The following ZNF804B variants were observed in gnomAD, a reference collection of about 807,000 sequenced individuals.
ZNF804B encodes zinc finger 804B.
In ZNF804B, 80 loss-of-function variants were observed where a neutral mutation model predicts 101.4. The ratio of observed to expected loss-of-function variants is 0.79; its 90% confidence interval spans 0.66 to 0.95. ZNF804B has a LOEUF of 0.95. Among genes scored for constraint, ZNF804B ranks in the 40% least tolerant of loss-of-function variants. ZNF804B has a pLI of 0.00. For synonymous variants in ZNF804B, 622 were observed against 558.8 expected (o/e 1.11, Z -1.59); for missense variants, 1,673 against 1,561.9 (o/e 1.07, Z -1.20).
chr7:89,259,520 A>G (rs139477359), intron 2 of ZNF804B, among the ~76,000 whole-genome samples: 215 of 152,286 alleles, frequency 1.4e-3, no homozygotes, highest in Non-Finnish European at 2.5e-3. Context: ...CCAGACTTTC[A>G]TGATGTATTC....
chr7:89,094,827 C>T (rs903113712), intron 1 of ZNF804B, among the ~76,000 whole-genome samples: 3 of 151,988 alleles, frequency 2.0e-5, no homozygotes, highest in East Asian at 1.9e-4. Flanking sequence ...GTTGCCTTAC[C>T]GTGTCAGGAT....
chr7:89,173,251 A>G (rs932801807), intron 1 of ZNF804B, among the ~76,000 whole-genome samples: 3 of 152,074 alleles, frequency 2.0e-5, no homozygotes, highest in Non-Finnish European at 4.4e-5. Flanking sequence ...CCATTCCACA[A>G]TAAGTTCCTC....
chr7:88,762,120 G>T (rs1199158647), intron 1 of ZNF804B, among the ~76,000 whole-genome samples: 2 of 152,138 alleles, frequency 1.3e-5, no homozygotes, highest in East Asian at 1.9e-4. Context: ...TCACTGGAAG[G>T]TTCTCTCCAA....
intron 1 of ZNF804B, among the ~76,000 whole-genome samples, chr7:89,123,324 C>T (rs1463406771): frequency 6.6e-6 from 1 of 152,078 alleles, no homozygotes; most frequent in Non-Finnish European, 1.5e-5. Context: ...ATCCTCAAGA[C>T]TATGGAGTCC....
At chr7:89,015,234 G>A (rs1209947716) in intron 1 of ZNF804B, among the ~76,000 whole-genome samples, 2 of 151,516 alleles carry the variant, frequency 1.3e-5, no homozygotes, top group East Asian at 1.9e-4. Context: ...GTATCATTCT[G>A]TTTTGGTTCA....
At chr7:89,306,800 A>AGTAGCG (rs1213213513) in intron 2 of ZNF804B, among the ~76,000 whole-genome samples, 1 of 152,032 alleles carries the variant, frequency 6.6e-6, no homozygotes, top group East Asian at 1.9e-4. Flanking sequence ...AGGCAACTTC[A>AGTAGCG]GTAGCGGTTT....
chr7:88,990,606 C>G (rs1230772111), intron 1 of ZNF804B, among the ~76,000 whole-genome samples: 1 of 151,992 alleles, frequency 6.6e-6, no homozygotes, highest in Non-Finnish European at 1.5e-5. Context: ...ATATTGTATC[C>G]CAGATATTAC....
At chr7:88,952,048 A>G (rs953485962) in intron 1 of ZNF804B, among the ~76,000 whole-genome samples, 1 of 151,888 alleles carries the variant, frequency 6.6e-6, no homozygotes, top group Admixed American at 6.6e-5. Flanking sequence ...TGGCATTTCA[A>G]GCTCTGAAAT....
chr7:89,336,405 C>T lies in ZNF804B; in HGVS notation c.3423C>T (p.Pro1141=), dbSNP rs778183867. 1 of 1,614,060 alleles carries T rather than the reference C, an allele frequency of 6.2e-7. No individual in the cohort carries two copies. The highest frequency in any genetic ancestry group is 8.5e-7 in the Non-Finnish European group (1 of 1,179,998). ...GLEMCHKSIS[P]PLIQQPITFS... The stretch of plus-strand genomic sequence containing the variant: ...AAATGTGTCATAAATCTATCTCTCC[C>T]CCTTTAATTCAACAGCCCATAACAT... The change falls in exon 4 of 4, where the codon CCC becomes CCT. Residue 1141 remains proline (P), a synonymous_variant. Transcript: ENST00000333190.
chr7:88,894,306 C>T (rs1382945668), intron 1 of ZNF804B, among the ~76,000 whole-genome samples: 3 of 151,752 alleles, frequency 2.0e-5, no homozygotes, highest in African/African-American at 4.8e-5. Context: ...CTCTGCCTCC[C>T]GGGTTGAAGT....
intron 1 of ZNF804B, among the ~76,000 whole-genome samples, chr7:88,854,011 T>C (rs1205519258): frequency 6.6e-6 from 1 of 152,182 alleles, no homozygotes; most frequent in Non-Finnish European, 1.5e-5. Flanking sequence ...AAGTACATAG[T>C]TAATAATATT....
chr7:89,242,705 A>G (rs1160655969), intron 2 of ZNF804B, among the ~76,000 whole-genome samples: 1 of 151,898 alleles, frequency 6.6e-6, no homozygotes, highest in African/African-American at 2.4e-5. Context: ...CAAAGAAACT[A>G]GATATCAAAA....
intron 1 of ZNF804B, among the ~76,000 whole-genome samples, chr7:89,112,225 A>G (rs1790228428): frequency 6.6e-6 from 1 of 152,138 alleles, no homozygotes; most frequent in Non-Finnish European, 1.5e-5. Context: ...CTCCTAAGCT[A>G]TCTTATAAAA....
intron 1 of ZNF804B, among the ~76,000 whole-genome samples, chr7:89,012,027 C>A (rs890776978): frequency 3.9e-5 from 6 of 152,180 alleles, no homozygotes; most frequent in Non-Finnish European, 8.8e-5. Context: ...TTCCGTACAT[C>A]CTCTGAAAGC....
intron 1 of ZNF804B, among the ~76,000 whole-genome samples, chr7:88,833,496 G>GTTCTT (rs1791163390): frequency 6.6e-6 from 1 of 151,574 alleles, no homozygotes. Context: ...GATGAAGAAG[G>GTTCTT]TAGAAAGTCA....
intron 1 of ZNF804B, among the ~76,000 whole-genome samples, chr7:88,789,655 G>A (rs1012232627): frequency 3.3e-5 from 5 of 152,076 alleles, no homozygotes; most frequent in African/African-American, 1.2e-4. Flanking sequence ...CCACAAGGGG[G>A]AGAACTTTAA....
At chr7:89,163,505 G>C (rs1463476171) in intron 1 of ZNF804B, among the ~76,000 whole-genome samples, 1 of 151,946 alleles carries the variant, frequency 6.6e-6, no homozygotes, top group Non-Finnish European at 1.5e-5. Flanking sequence ...GGCTTATTAT[G>C]TGTTTTATGA....
chr7:89,291,478 C>T (rs1790291065), intron 2 of ZNF804B, among the ~76,000 whole-genome samples: 2 of 151,976 alleles, frequency 1.3e-5, no homozygotes, highest in African/African-American at 4.8e-5. Flanking sequence ...TTGAAAAATG[C>T]AATTAATGTA....
At chr7:88,896,711 A>T (rs1038043386) in intron 1 of ZNF804B, among the ~76,000 whole-genome samples, 2 of 152,200 alleles carry the variant, frequency 1.3e-5, no homozygotes, top group African/African-American at 4.8e-5. Context: ...GGCCAAATAA[A>T]TAATTGGAAT....
Sources: allele counts gnomAD v4.1 joint callset (sites outside exome capture counted in the v4.1 genomes callset), GRCh38; gene constraint gnomAD v4.1.1; transcripts MANE v1.5; gene names NCBI Gene and HGNC (gene_info 2026-07-23, HGNC 2026-07-21).